The following ANKFY1 variants were observed in gnomAD, a reference collection of about 807,000 sequenced individuals.
ANKFY1 encodes ankyrin repeat and FYVE domain-containing protein 1.
ANKFY1 carries 47 observed loss-of-function variants against 128.3 expected under a neutral mutation model. That is an observed-to-expected ratio of 0.37 (90% CI 0.29 to 0.47). The LOEUF is 0.47. ANKFY1 is among the 20% of genes least tolerant of loss of function. The pLI is 1.00. For synonymous variants in ANKFY1, 553 were observed against 601.6 expected (o/e 0.92, Z 1.18); for missense variants, 1,222 against 1,510.6 (o/e 0.81, Z 3.17).
Position 4,174,082 on chromosome 17 carries a change from T to G in ANKFY1, c.2776-26A>C, listed in dbSNP as rs377350244. 2.3e-5 allele frequency: 37 copies of G among 1,609,818 alleles called. No homozygotes were observed. In the East Asian group the frequency reaches 2.9e-4, roughly 13 times the overall value. ...CTGTTGAAGTTCATTACATGAACAG[T>G]CAGTCTCTCTGCCACAATCAAGATC... On this transcript the variant is annotated intron_variant, in intron 19 of 24. Coordinates refer to ENST00000341657, the MANE Select transcript of ANKFY1 (RefSeq NM_001330063.2).
intron 11 of ANKFY1, chr17:4,187,173 C>A: frequency 4.2e-6 from 2 of 475,516 alleles, no homozygotes; most frequent in Non-Finnish European, 6.7e-6. Context: ...CCTCCAAGTT[C>A]CCAAATTCCA....
intron 1 of ANKFY1, chr17:4,263,528 G>A (rs1234342142): frequency 9.2e-6 from 14 of 1,528,208 alleles, no homozygotes; most frequent in Non-Finnish European, 1.2e-5. Context: ...GCAAGCGAGG[G>A]ATGGACCCCT....
chr17:4,260,312 G>A (rs996282651), intron 1 of ANKFY1, among the ~76,000 whole-genome samples: 1 of 152,072 alleles, frequency 6.6e-6, no homozygotes, highest in Non-Finnish European at 1.5e-5. Flanking sequence ...TTTTGAAGTA[G>A]TTCACTTACA....
intron 7 of ANKFY1, among the ~76,000 whole-genome samples, chr17:4,200,388 TA>T (rs1393909580): frequency 6.6e-6 from 1 of 152,160 alleles, no homozygotes; most frequent in African/African-American, 2.4e-5. Context: ...AGGGTTCAGT[TA>T]AACATCTTCC....
At chr17:4,170,586 G>A in intron 23 of ANKFY1, 129 bp downstream of exon 23, 1 of 1,309,974 alleles carries the variant, frequency 7.6e-7, no homozygotes. Flanking sequence ...AATGGTCCCA[G>A]CTACTGCCAG....
chr17:4,256,242 C>A (rs9674707), intron 1 of ANKFY1, among the ~76,000 whole-genome samples: 1 of 151,974 alleles, frequency 6.6e-6, no homozygotes, highest in Middle Eastern at 3.2e-3. Context: ...TCCTGGCTAA[C>A]AGAGTGAAAC....
At chr17:4,240,462 G>A (rs969454757) in intron 2 of ANKFY1, among the ~76,000 whole-genome samples, 1 of 151,370 alleles carries the variant, frequency 6.6e-6, no homozygotes, top group African/African-American at 2.4e-5. Context: ...CACAATCTCA[G>A]CTCACTGCAA....
At chr17:4,240,089 G>A (rs1394707906) in intron 2 of ANKFY1, among the ~76,000 whole-genome samples, 6 of 144,382 alleles carry the variant, frequency 4.2e-5, no homozygotes, top group African/African-American at 1.3e-4. Context: ...TTTTGAGACA[G>A]GGTCTCGCCC....
In ANKFY1 at chr17:4,167,746, C is replaced by G. The variant is rs377539819; in HGVS notation, c.*33G>C. ...GCAGAGCAGCTGCTGGGGAGGTGAC[C>G]AAGGACGTGGCCTGGACCCTCCGGG... On this transcript the variant is annotated 3_prime_UTR_variant, in exon 25 of 25. Coordinates refer to ENST00000341657, the MANE Select transcript of ANKFY1 (RefSeq NM_001330063.2). This position sits in a 1 kb window ranked among gnomAD's most constrained non-coding sequence, Gnocchi z 4.1. 4.5e-5 allele frequency: 71 copies of G among 1,583,212 alleles called. 1 individual carries two copies. In the Middle Eastern group the frequency reaches 1.0e-3, roughly 23 times the overall value.
chr17:4,175,943 A>G (rs1373694622), intron 19 of ANKFY1, among the ~76,000 whole-genome samples: 1 of 152,158 alleles, frequency 6.6e-6, no homozygotes, highest in Non-Finnish European at 1.5e-5. Context: ...GGGCCCCAGG[A>G]AGGCGGGGTC....
rs2059772354 is a variant in ANKFY1, at chr17:4,194,123, T to TTTG, written c.1372+852_1372+854dup. On this transcript the variant is annotated intron_variant, in intron 10 of 24. Transcript: ENST00000341657. ...TATATATTTTTTTTTTTTTTTTTTT[T>TTTG]TTGAGACGGAGTTTCAGTCTCCTCA... Among the ~76,000 whole-genome samples, 7 of 138,484 alleles carry TTTG rather than the reference T, an allele frequency of 5.1e-5. No homozygotes were observed. In the South Asian group the frequency reaches 1.2e-3, roughly 23 times the overall value. The allele number at this position is 138,484 out of a possible 152,430, so 90.9% of individuals were successfully genotyped here.
At chr17:4,227,666 C>T (rs1487572952) in intron 3 of ANKFY1, among the ~76,000 whole-genome samples, 2 of 147,636 alleles carry the variant, frequency 1.4e-5, no homozygotes, top group African/African-American at 4.9e-5. Context: ...TGTTAATACT[C>T]AATACTCAAA....
chr17:4,181,364 A>G lies in ANKFY1; in HGVS notation c.2130T>C (p.His710=), dbSNP rs1430239565. Residue 710 remains histidine (H), a synonymous_variant, in exon 16 of 25, where the codon CAT becomes CAC. Transcript: ENST00000341657. This position sits in a 1 kb window ranked among gnomAD's most constrained non-coding sequence, Gnocchi z 4.9. ...GACCCCAGCATGTGGCATCACAGCC[A>G]TGTCTGACCTGCAGAAAAACATAGG... ...LEDIASTLVR[H]GCDATCWGPG... is the part of the protein sequence containing the mutation. 6.2e-7 allele frequency: 1 copy of G among 1,613,526 alleles called. No homozygotes were observed.
rs558479812 is a variant in ANKFY1, at chr17:4,249,565, C to T, written c.11-7117G>A. ...TGCTGGTGATTTTAAAGAATTAGAA[C>T]GTTAAAATGACAGCCAGAGCCAAAT... is the stretch of plus-strand genomic sequence containing the variant. On this transcript the variant is annotated intron_variant, in intron 1 of 24. Transcript: ENST00000341657. 3.0e-4 allele frequency among the ~76,000 whole-genome samples: 45 copies of T among 152,214 alleles called. No individual in the cohort carries two copies. The South Asian group carries it at 8.7e-3, about 29-fold the overall frequency.
chr17:4,232,978 C>T (rs11650792), intron 3 of ANKFY1, among the ~76,000 whole-genome samples: 77,156 of 151,464 alleles, frequency 0.51, 21,520 homozygotes, highest in East Asian at 0.75. Context: ...TGACCTACGA[C>T]AGTATCCCAG....
intron 8 of ANKFY1, among the ~76,000 whole-genome samples, 195 bp downstream of exon 8, chr17:4,197,178 A>G (rs2059841478): frequency 6.6e-6 from 1 of 152,214 alleles, no homozygotes; most frequent in Non-Finnish European, 1.5e-5. Flanking sequence ...TACCCAGGAT[A>G]GAAATGTTTT....
chr17:4,208,626 C>T (rs2060068920), intron 5 of ANKFY1, among the ~76,000 whole-genome samples: 2 of 152,182 alleles, frequency 1.3e-5, no homozygotes, highest in South Asian at 4.1e-4. Context: ...CCTTAAAATC[C>T]AGTTCTTTAG....
chr17:4,200,235 T>A (rs941033796), intron 7 of ANKFY1, among the ~76,000 whole-genome samples: 4 of 151,970 alleles, frequency 2.6e-5, no homozygotes, highest in African/African-American at 9.7e-5. Flanking sequence ...CTAATTTTTT[T>A]GTGTTTTTGG....
At chr17:4,263,526 G>A (rs1268996053) in intron 1 of ANKFY1, 2 of 1,486,560 alleles carry the variant, frequency 1.3e-6, no homozygotes, top group Non-Finnish European at 1.8e-6. Flanking sequence ...CCGCAAGCGA[G>A]GGATGGACCC....
Sources: gnomAD v4.1 joint callset for allele counts (sites outside exome capture counted in the v4.1 genomes callset) on GRCh38, gnomAD v4.1.1 for gene constraint, Gnocchi (gnomAD v3.1) non-coding constraint, MANE v1.5 for transcripts, NCBI Gene and HGNC (gene_info 2026-07-23, HGNC 2026-07-21) for gene names.